Variants in WASF3 observed in about 807,000 individuals in gnomAD.
WASF3 encodes actin-binding protein WASF3.
A neutral mutation model predicts 46.6 loss-of-function variants in WASF3; 11 were observed. That is an observed-to-expected ratio of 0.24 (90% confidence interval 0.15 to 0.39). The LOEUF (loss-of-function observed/expected upper bound fraction) is 0.39. WASF3 is among the 10% of genes least tolerant of loss of function. The probability of loss-of-function intolerance (pLI) is 1.00; values close to 1 mark genes in which losing one functional copy is unlikely to be tolerated. For synonymous variants in WASF3, 242 were observed against 259.7 expected (o/e 0.93, Z 0.65); for missense variants, 576 against 669.8 (o/e 0.86, Z 1.55).
At chr13:26,680,325 CT>C in intron 7 of WASF3, 1 of 1,163,714 alleles carries the variant, frequency 8.6e-7, no homozygotes, top group South Asian at 1.7e-5. Flanking sequence ...GTGTGACTGT[CT>C]TACTAACGCC....
At chr13:26,674,915 G>GTGTT (rs1883019413) in intron 6 of WASF3, among the ~76,000 whole-genome samples, 1 of 152,184 alleles carries the variant, frequency 6.6e-6, no homozygotes, top group Non-Finnish European at 1.5e-5. Context: ...TTCTTTTGAT[G>GTGTT]AAAGATTGAA....
the WASF3 span, among the ~76,000 whole-genome samples, chr13:26,541,369 T>G: frequency 6.6e-6 from 1 of 152,118 alleles, no homozygotes; most frequent in Non-Finnish European, 1.5e-5. Flanking sequence ...TGTGCAACCT[T>G]GGGTAAGTTG....
intron 1 of WASF3, among the ~76,000 whole-genome samples, chr13:26,588,474 C>T (rs1452055981): frequency 1.3e-5 from 2 of 152,128 alleles, no homozygotes. Context: ...TCAGCTGTGG[C>T]CAGGAGGTTG....
chr13:26,558,736 G>A (rs187664688), intron 1 of WASF3, among the ~76,000 whole-genome samples: 2 of 152,060 alleles, frequency 1.3e-5, no homozygotes, highest in Non-Finnish European at 2.9e-5. Flanking sequence ...TTAAATTAGC[G>A]GTTTACTTCC....
chr13:26,640,886 G>A (rs956555866), intron 2 of WASF3: 1 of 152,114 alleles, frequency 6.6e-6, no homozygotes, highest in African/African-American at 2.4e-5. Flanking sequence ...TTTCAGCAGG[G>A]GAAAGCCTCC....
At chr13:26,685,018 G>T (rs1266374100) in intron 9 of WASF3, among the ~76,000 whole-genome samples, 4 of 151,402 alleles carry the variant, frequency 2.6e-5, no homozygotes, top group Non-Finnish European at 5.9e-5. Context: ...AGCCCAGGAG[G>T]TCGAGGCTGC....
At chr13:26,624,141 A>G (rs1334744225) in intron 2 of WASF3, among the ~76,000 whole-genome samples, 1 of 152,250 alleles carries the variant, frequency 6.6e-6, no homozygotes, top group Non-Finnish European at 1.5e-5. Flanking sequence ...AGATAAAGCA[A>G]TCAGCAATCA....
intron 3 of WASF3, among the ~76,000 whole-genome samples, chr13:26,657,590 A>T (rs968538966): frequency 1.3e-5 from 2 of 152,242 alleles, no homozygotes; most frequent in Non-Finnish European, 1.5e-5. Context: ...TCTTTAGTTA[A>T]CAGAGGCATT....
chr13:26,575,408 CT>C (rs1350663475), intron 1 of WASF3, among the ~76,000 whole-genome samples: 2 of 152,138 alleles, frequency 1.3e-5, no homozygotes, highest in Non-Finnish European at 2.9e-5. Flanking sequence ...AGTCCTTTTG[CT>C]TACGTTTCTT....
intron 1 of WASF3, among the ~76,000 whole-genome samples, chr13:26,609,854 G>T (rs1319791954): frequency 6.6e-6 from 1 of 152,112 alleles, no homozygotes; most frequent in East Asian, 1.9e-4. Context: ...TCTTTTCCCA[G>T]ATGTTGGTAA....
chr13:26,612,706 T>C (rs9553873), intron 1 of WASF3, among the ~76,000 whole-genome samples: 44,689 of 152,078 alleles, frequency 0.29, 6,938 homozygotes, highest in East Asian at 0.58. Flanking sequence ...TGACTTTTTC[T>C]TTTTCTGCCC....
At chr13:26,558,102 C>T (rs1879158059) in intron 1 of WASF3, among the ~76,000 whole-genome samples, 1 of 151,826 alleles carries the variant, frequency 6.6e-6, no homozygotes, top group Non-Finnish European at 1.5e-5. Flanking sequence ...GCCTCCGGGC[C>T]TCCGGCCCTT....
intron 1 of WASF3, among the ~76,000 whole-genome samples, chr13:26,566,820 G>T (rs540131505): frequency 6.6e-6 from 1 of 152,346 alleles, no homozygotes; most frequent in Non-Finnish European, 1.5e-5. Flanking sequence ...GAGAAGAGAG[G>T]TCATGGGGAC....
chr13:26,663,916 C>G (rs981313445), intron 3 of WASF3, among the ~76,000 whole-genome samples: 1 of 152,292 alleles, frequency 6.6e-6, no homozygotes, highest in South Asian at 2.1e-4. Context: ...GGGATTTGGA[C>G]GGATCACCTT....
At chr13:26,558,586 G>T (rs1005629642) in intron 1 of WASF3, among the ~76,000 whole-genome samples, 1 of 152,190 alleles carries the variant, frequency 6.6e-6, no homozygotes, top group Non-Finnish European at 1.5e-5. Context: ...GTGCAATGGC[G>T]ATTGCTTCTT....
rs558678904 is a variant in WASF3, at chr13:26,588,190, G to A, written c.-108-24771G>A. ...TTCTTCAAATCAGAAAGATGAGAAG[G>A]AAGGTTAGGAAAAACAAGAATATAA... On this transcript the variant is annotated intron_variant, in intron 1 of 9. Transcript: ENST00000335327. Among the ~76,000 whole-genome samples the A allele has an allele frequency of 2.0e-4, 30 of 152,300 alleles. 1 individual carries two copies. The highest frequency in any genetic ancestry group is 7.2e-4 in the African/African-American group (30 of 41,568).
At chr13:26,623,084 A>G (rs747574290) in intron 2 of WASF3, among the ~76,000 whole-genome samples, 1 of 152,218 alleles carries the variant, frequency 6.6e-6, no homozygotes, top group African/African-American at 2.4e-5. Flanking sequence ...ATAGAAGTGC[A>G]TAAGAAGAAT....
At chr13:26,558,207 G>A (rs1366821389) in intron 1 of WASF3, among the ~76,000 whole-genome samples, 2 of 151,964 alleles carry the variant, frequency 1.3e-5, no homozygotes, top group African/African-American at 2.4e-5. Flanking sequence ...CACGCACGAC[G>A]CCCCGGGCCG....
intron 6 of WASF3, 86 bp from the exon 7 acceptor site, chr13:26,676,463 G>A (rs1023671656): frequency 3.1e-5 from 44 of 1,433,940 alleles, no homozygotes; most frequent in Non-Finnish European, 4.0e-5. Context: ...ATCAGGCATG[G>A]GCCTTGTGCA....
Sources: allele counts gnomAD v4.1 joint callset (sites outside exome capture counted in the v4.1 genomes callset), GRCh38; gene constraint gnomAD v4.1.1; transcripts MANE v1.5; gene names NCBI Gene and HGNC (gene_info 2026-07-23, HGNC 2026-07-21).